The following TBC1D16 variants were observed in gnomAD, a reference collection of about 807,000 sequenced individuals.
The protein encoded by TBC1D16 is TBC1 domain family member 16, also known as CTD-2529O21.1.
Under a neutral mutation model 74.7 loss-of-function variants are expected in TBC1D16, and 58 were observed. That is an observed-to-expected ratio of 0.78 (90% CI 0.63 to 0.97). The LOEUF (loss-of-function observed/expected upper bound fraction) is 0.97, where lower values mean the gene tolerates loss of function less well. Among genes scored for constraint, TBC1D16 ranks in the 50% least tolerant of loss-of-function variants. The pLI is 0.00. For missense variants in TBC1D16, 1,014 were observed against 1,079.5 expected (o/e 0.94, Z 0.85); for synonymous variants, 493 against 474.7 (o/e 1.04, Z -0.50).
chr17:79,940,966 C>T lies in TBC1D16; in HGVS notation c.2197G>A (p.Glu733Lys), dbSNP rs2031920345. 1 of 1,604,316 alleles carries T rather than the reference C, an allele frequency of 6.2e-7. No homozygotes were observed. Among genetic ancestry groups the T allele is most frequent in the Non-Finnish European group, 8.5e-7 (1 of 1,176,180 alleles). ...VECTGHHPGS[E>K]SCPYGGTVEM... ...ACCGTGCCCCCGTAGGGACAGCTCTCCGAGCCGGGATGGTGGCCGGTGCAC... is the reference window on the plus strand; with the variant it reads ...ACCGTGCCCCCGTAGGGACAGCTCTTCGAGCCGGGATGGTGGCCGGTGCAC... Residue 733 changes from glutamate (E) to lysine (K), a missense_variant, in exon 12 of 12, where the codon GAG (glutamate) becomes AAG (lysine). Coordinates refer to ENST00000310924, the MANE Select transcript of TBC1D16 (RefSeq NM_019020.4). The surrounding 1 kb of genome is among the most constrained non-coding windows in gnomAD (Gnocchi z 5.4).
chr17:79,972,457 A>G (rs2144120435), intron 3 of TBC1D16, among the ~76,000 whole-genome samples: 1 of 152,326 alleles, frequency 6.6e-6, no homozygotes, highest in East Asian at 1.9e-4. Context: ...CTGGGATTGC[A>G]GGTGTGAGCC....
At chr17:79,948,725 G>T in intron 8 of TBC1D16, 147 bp downstream of exon 8, 2 of 1,106,236 alleles carry the variant, frequency 1.8e-6, no homozygotes, top group Non-Finnish European at 2.6e-6. Context: ...CTCATGAGTA[G>T]CGTATCCTTC....
In TBC1D16 at chr17:80,001,557, C is replaced by A. The variant is rs924804922; in HGVS notation, c.779+8603G>T. ...CGGGCGCTCTCGGGGTATCCCCGGG[C>A]GCCCTGGTTGGCCCACGACCGGGAT... On this transcript the variant is annotated intron_variant, in intron 3 of 11. Transcript: ENST00000310924. The surrounding 1 kb of genome is among the most constrained non-coding windows in gnomAD (Gnocchi z 5.8). Among the ~76,000 whole-genome samples the A allele has an allele frequency of 6.6e-6, 1 of 152,232 alleles. No individual in the cohort carries two copies. The highest frequency in any genetic ancestry group is 2.4e-5 in the African/African-American group (1 of 41,558).
rs1293257863 is a variant in TBC1D16 at position 80,007,986 on chromosome 17, C to T, written c.779+2174G>A. 1.3e-5 allele frequency among the ~76,000 whole-genome samples: 2 copies of T among 151,570 alleles called. No homozygotes were observed. Among genetic ancestry groups the T allele is most frequent in the African/African-American group, 4.9e-5 (2 of 41,198 alleles). ...GTGCACAGCACGCCTGTCCGCTGCCCACTGATGCCAATACATCCCCACCCT... is the reference window on the plus strand; with the variant it reads ...GTGCACAGCACGCCTGTCCGCTGCCTACTGATGCCAATACATCCCCACCCT... On this transcript the variant is annotated intron_variant, in intron 3 of 11. Transcript: ENST00000310924. This position sits in a 1 kb window ranked among gnomAD's most constrained non-coding sequence, Gnocchi z 4.5.
At chr17:79,943,455 G>A (rs533265401) in intron 10 of TBC1D16, among the ~76,000 whole-genome samples, 10 of 152,272 alleles carry the variant, frequency 6.6e-5, no homozygotes, top group Middle Eastern at 3.4e-3. Flanking sequence ...GACAGCGGAC[G>A]GATAGCATCA....
intron 3 of TBC1D16, among the ~76,000 whole-genome samples, chr17:80,006,778 C>A (rs2035694292): frequency 6.6e-6 from 1 of 152,070 alleles, no homozygotes; most frequent in Non-Finnish European, 1.5e-5. Context: ...CCTGCCTCAG[C>A]CTCCTGAGTA....
rs551381090 is a variant in TBC1D16 at position 80,021,306 on chromosome 17, T to C, written c.-62-7697A>G. On this transcript the variant is annotated intron_variant, in intron 1 of 11. Coordinates refer to ENST00000310924, the MANE Select transcript of TBC1D16 (RefSeq NM_019020.4). ...CTGGGCAACATAACAAGATCCCACT[T>C]CTAAAAAATTAGCTGGGGGTGGTGG... Among the ~76,000 whole-genome samples, 3 of 147,358 alleles carry C rather than the reference T, an allele frequency of 2.0e-5. No homozygotes were observed. In the East Asian group the frequency reaches 5.9e-4, roughly 29 times the overall value.
chr17:80,011,913 ATTGT>A (rs1265020125), intron 2 of TBC1D16, among the ~76,000 whole-genome samples: 5 of 151,616 alleles, frequency 3.3e-5, no homozygotes. Context: ...TTTAATGCAG[ATTGT>A]TTGAGGAAGG....
chr17:80,020,545 A>C (rs921109963), intron 1 of TBC1D16, among the ~76,000 whole-genome samples: 4 of 149,678 alleles, frequency 2.7e-5, no homozygotes, highest in African/African-American at 1.0e-4. Context: ...AGATGGCGCC[A>C]CTGCACTCCA....
chr17:79,985,616 G>A lies in TBC1D16; in HGVS notation c.779+24544C>T, dbSNP rs561381639. On this transcript the variant is annotated intron_variant, in intron 3 of 11. Transcript: ENST00000310924. This position sits in a 1 kb window ranked among gnomAD's most constrained non-coding sequence, Gnocchi z 4.9. ...GCCCTGAGACTGGTGCTGGGTCCAA[G>A]GGTCCCCATCCGGTGGCAGCCATTC... Among the ~76,000 whole-genome samples the A allele has an allele frequency of 1.3e-5, 2 of 152,126 alleles. No individual in the cohort carries two copies. Among genetic ancestry groups the A allele is most frequent in the Non-Finnish European group, 2.9e-5 (2 of 68,010 alleles).
intron 3 of TBC1D16, among the ~76,000 whole-genome samples, chr17:79,960,733 C>T (rs2033556579): frequency 7.7e-6 from 1 of 130,614 alleles, no homozygotes; most frequent in South Asian, 2.4e-4. Context: ...TCAGCCCGAG[C>T]GACAGAGTGA....
chr17:79,955,905 T>C (rs922140146), intron 3 of TBC1D16, among the ~76,000 whole-genome samples: 10 of 152,240 alleles, frequency 6.6e-5, no homozygotes, highest in African/African-American at 2.4e-4. Flanking sequence ...GCTCATCTTA[T>C]CAAGGATAGC....
chr17:79,958,796 T>C (rs1434206747), intron 3 of TBC1D16, among the ~76,000 whole-genome samples: 1 of 152,180 alleles, frequency 6.6e-6, no homozygotes, highest in Non-Finnish European at 1.5e-5. Flanking sequence ...TCATACTGAA[T>C]GGTAAAAGAT....
At chr17:79,943,069 G>A (rs921878293) in intron 10 of TBC1D16, among the ~76,000 whole-genome samples, 1 of 152,218 alleles carries the variant, frequency 6.6e-6, no homozygotes, top group Non-Finnish European at 1.5e-5. Context: ...GTCTCCTGAC[G>A]TCGACCACAC....
At position 79,944,764 on chromosome 17, in the gene TBC1D16, C is replaced by T. The variant is rs1229352672; in HGVS notation, c.1908+144G>A. 20 of 752,000 alleles carry T rather than the reference C, an allele frequency of 2.7e-5. 1 individual carries two copies. Among genetic ancestry groups the T allele is most frequent in the South Asian group, 2.3e-4 (12 of 52,904 alleles). The allele number at this position is 752,000 out of a possible 1,614,324, so 46.6% of individuals were successfully genotyped here. ...AAGGTCTGAAGCCAGCCACGTGGGA[C>T]GGGAAGGCAGTCGCCGTATGGGGGG... On this transcript the variant is annotated intron_variant, in intron 10 of 11. Transcript: ENST00000310924. This position sits in a 1 kb window ranked among gnomAD's most constrained non-coding sequence, Gnocchi z 7.7.
At chr17:80,016,376 G>A (rs1002154252) in intron 1 of TBC1D16, among the ~76,000 whole-genome samples, 3 of 152,142 alleles carry the variant, frequency 2.0e-5, no homozygotes, top group Admixed American at 6.5e-5. Context: ...ACTCAATGCC[G>A]CTGAACCTGA....
chr17:80,026,706 G>C (rs115407804), intron 1 of TBC1D16, among the ~76,000 whole-genome samples: 2,442 of 150,048 alleles, frequency 0.016, 364 homozygotes, highest in African/African-American at 0.059. Flanking sequence ...CAAGATGCAA[G>C]ACTTTGAATG....
At chr17:80,003,940 T>C (rs560440300) in intron 3 of TBC1D16, among the ~76,000 whole-genome samples, 75 of 152,278 alleles carry the variant, frequency 4.9e-4, no homozygotes, top group Admixed American at 7.9e-4. Context: ...TCCCAGCTAC[T>C]TGAGAGGCTG....
In TBC1D16 at chr17:80,008,373, C is replaced by T. The variant is rs1356326339; in HGVS notation, c.779+1787G>A. Among the ~76,000 whole-genome samples the T allele has an allele frequency of 6.6e-6, 1 of 152,194 alleles. No individual in the cohort carries two copies. The highest frequency in any genetic ancestry group is 2.4e-5 in the African/African-American group (1 of 41,442). ...CAACTCCCTAACTCCTAAACTTGAG[C>T]TCCCTACGAGATGGGGCTGCGGGAC... On this transcript the variant is annotated intron_variant, in intron 3 of 11. Transcript: ENST00000310924. The surrounding 1 kb of genome is among the most constrained non-coding windows in gnomAD (Gnocchi z 4.5).
Sources: gnomAD v4.1 joint callset for allele counts (sites outside exome capture counted in the v4.1 genomes callset) on GRCh38, gnomAD v4.1.1 for gene constraint, Gnocchi (gnomAD v3.1) non-coding constraint, MANE v1.5 for transcripts, NCBI Gene and HGNC (gene_info 2026-07-23, HGNC 2026-07-21) for gene names.